Variants in QSER1 observed in about 807,000 individuals in gnomAD.
QSER1 encodes the protein glutamine and serine-rich protein 1.
A neutral mutation model predicts 158.5 loss-of-function variants in QSER1; 49 were observed. The observed-to-expected ratio is 0.31, with a 90% CI of 0.25 to 0.39. QSER1 has a LOEUF of 0.39. Ranked by LOEUF, QSER1 falls within the 10% of genes least tolerant of loss-of-function variation. The pLI is 1.00. For missense variants in QSER1, 1,754 were observed against 2,010.3 expected, an observed-to-expected ratio of 0.87 and a Z score of 2.44; for synonymous variants, 650 against 715.5, an observed-to-expected ratio of 0.91 and a Z score of 1.46.
chr11:32,915,147 A>T (rs1044691492), intron 1 of QSER1, among the ~76,000 whole-genome samples: 1 of 152,098 alleles, frequency 6.6e-6, no homozygotes, highest in South Asian at 2.1e-4. Flanking sequence ...GACTCAAACA[A>T]TCCTCCAGCC....
intron 1 of QSER1, among the ~76,000 whole-genome samples, chr11:32,896,596 C>A (rs905544484): frequency 2.0e-5 from 3 of 152,134 alleles, no homozygotes; most frequent in Non-Finnish European, 2.9e-5. Flanking sequence ...ACTACATTGG[C>A]CAGGCTGGTC....
At chr11:32,959,914 A>G (rs1362733083) in intron 8 of QSER1, among the ~76,000 whole-genome samples, 1 of 152,072 alleles carries the variant, frequency 6.6e-6, no homozygotes, top group Non-Finnish European at 1.5e-5. Context: ...GGTGGGCACC[A>G]CCACACCCAG....
Position 32,932,116 on chromosome 11 carries a change from G to A in QSER1, c.858G>A (p.Gly286=). The A allele has an allele frequency of 6.2e-7, 1 of 1,614,076 alleles. No individual in the cohort carries two copies. The highest frequency in any genetic ancestry group is 8.5e-7 in the Non-Finnish European group (1 of 1,180,016). The change falls in exon 4 of 13, where the codon GGG becomes GGA. Residue 286 remains glycine, a synonymous_variant. Transcript: ENST00000650167. ...TTAGTTTGTTGCCTTCAGCACTTGG[G>A]GGATCCCAGCAGACTCCTCAAGCCT... The part of the protein sequence containing the change: ...PQFSLLPSAL[G]GSQQTPQAYS...
At position 32,935,087 on chromosome 11, in the gene QSER1, G is replaced by A; in HGVS notation, c.3829G>A (p.Gly1277Arg). The A allele has an allele frequency of 6.2e-7, 1 of 1,613,940 alleles. No individual in the cohort carries two copies. Among genetic ancestry groups the A allele is most frequent in the East Asian group, 2.2e-5 (1 of 44,890 alleles). Residue 1277 changes from glycine to arginine, a missense_variant, in exon 4 of 13, where the codon GGA becomes AGA. This residue lies in a region of QSER1 where 1,707 missense variants were observed against 1,919.6 expected (regional missense o/e 0.89). Coordinates refer to ENST00000650167, the MANE Select transcript of QSER1 (RefSeq NM_001076786.3). Reference protein sequence around the residue: ...VEEKQPEVKTGFIASFLDFLK... With the variant: ...VEEKQPEVKTRFIASFLDFLK... Reference sequence around the variant, plus strand: ...GGAAAAACAACCAGAAGTCAAAACAGGATTTATTGCTTCTTTCTTAGATTT... The same window carrying A: ...GGAAAAACAACCAGAAGTCAAAACAAGATTTATTGCTTCTTTCTTAGATTT...
chr11:32,951,901 G>T (rs1016242713), intron 4 of QSER1, among the ~76,000 whole-genome samples: 2 of 148,922 alleles, frequency 1.3e-5, no homozygotes, highest in African/African-American at 4.9e-5. Flanking sequence ...GCAGTGGTGA[G>T]ATCGTGGCTC....
At chr11:32,949,104 T>C (rs529427129) in intron 4 of QSER1, among the ~76,000 whole-genome samples, 128 of 152,316 alleles carry the variant, frequency 8.4e-4, no homozygotes, top group African/African-American at 3.0e-3. Flanking sequence ...TTTTAAATAG[T>C]CATTTGTTTA....
intron 1 of QSER1, among the ~76,000 whole-genome samples, chr11:32,919,583 C>A (rs1286765261): frequency 1.3e-5 from 2 of 152,108 alleles, no homozygotes; most frequent in Admixed American, 6.6e-5. Flanking sequence ...ACTGATAAAG[C>A]CTTTATCACC....
chr11:32,946,080 A>T (rs1852326365), intron 4 of QSER1, among the ~76,000 whole-genome samples: 3 of 151,920 alleles, frequency 2.0e-5, no homozygotes. Flanking sequence ...CTTGGTTTTC[A>T]GCTCCGTCAG....
chr11:32,953,562 C>T (rs961955650), intron 4 of QSER1, among the ~76,000 whole-genome samples: 10 of 152,050 alleles, frequency 6.6e-5, no homozygotes, highest in Non-Finnish European at 1.5e-4. Context: ...AGGTGTGAGC[C>T]ACTGTACCCA....
At chr11:32,901,241 C>G (rs1250186513) in intron 1 of QSER1, among the ~76,000 whole-genome samples, 1 of 152,178 alleles carries the variant, frequency 6.6e-6, no homozygotes, top group Non-Finnish European at 1.5e-5. Flanking sequence ...AGAGTGATGT[C>G]TAGCATATAG....
intron 10 of QSER1, among the ~76,000 whole-genome samples, chr11:32,970,625 G>A (rs866362583): frequency 6.6e-6 from 1 of 152,112 alleles, no homozygotes; most frequent in African/African-American, 2.4e-5. Flanking sequence ...GGCTGGTCTC[G>A]AACTCCTGAC....
In QSER1 at chr11:32,893,518, G is replaced by A. The variant is rs1851513427; in HGVS notation, c.209+184G>A. Reference sequence around the variant, plus strand: ...GGGGTGGTCGCGGGTAGGTGGGGGCGCCCGGTGCAGGATTCGCGCCTGGGG... The same window carrying A: ...GGGGTGGTCGCGGGTAGGTGGGGGCACCCGGTGCAGGATTCGCGCCTGGGG... On this transcript the variant is annotated intron_variant, in intron 1 of 12. Coordinates refer to ENST00000650167, the MANE Select transcript of QSER1 (RefSeq NM_001076786.3). This position sits in a 1 kb window ranked among gnomAD's most constrained non-coding sequence, Gnocchi z 4.7. 1.3e-5 allele frequency among the ~76,000 whole-genome samples: 2 copies of A among 152,158 alleles called. No homozygotes were observed. The highest frequency in any genetic ancestry group is 4.1e-4 in the South Asian group (2 of 4,830).
At chr11:32,925,684 C>A (rs1028882784) in intron 1 of QSER1, among the ~76,000 whole-genome samples, 1 of 151,830 alleles carries the variant, frequency 6.6e-6, no homozygotes, top group East Asian at 1.9e-4. Context: ...TATGCCACCA[C>A]GCCCAGCTAA....
At position 32,931,995 on chromosome 11, in the gene QSER1, G is replaced by C; in HGVS notation, c.737G>C (p.Arg246Pro). ...GTTCCAACTGCTTTGGCATTTGAGCGCCTGGGCAGTTCTGTATTAAGTAAC... is the reference window on the plus strand; with the variant it reads ...GTTCCAACTGCTTTGGCATTTGAGCCCCTGGGCAGTTCTGTATTAAGTAAC... ...GTVPTALAFE[R>P]LGSSVLSNSI... Residue 246 changes from arginine (R) to proline (P), a missense_variant, in exon 4 of 13, where the codon CGC becomes CCC. By Grantham distance (103) the Arg-to-Pro change is moderately radical. This residue lies in a region of QSER1 where 1,707 missense variants were observed against 1,919.6 expected (regional missense o/e 0.89). Coordinates refer to ENST00000650167, the MANE Select transcript of QSER1 (RefSeq NM_001076786.3). 6.2e-7 allele frequency: 1 copy of C among 1,614,202 alleles called. No individual in the cohort carries two copies. Among genetic ancestry groups the C allele is most frequent in the Non-Finnish European group, 8.5e-7 (1 of 1,180,036 alleles).
chr11:32,900,283 C>T (rs987257246), intron 1 of QSER1, among the ~76,000 whole-genome samples: 5 of 152,272 alleles, frequency 3.3e-5, no homozygotes, highest in Non-Finnish European at 7.4e-5. Flanking sequence ...ATGACTTGGT[C>T]AGGTGTGGTG....
At chr11:32,930,109 G>A (rs555860716) in intron 3 of QSER1, among the ~76,000 whole-genome samples, 88 of 151,988 alleles carry the variant, frequency 5.8e-4, no homozygotes, top group Admixed American at 2.4e-3. Flanking sequence ...GTTAAATGTC[G>A]GTTCTTTATT....
At chr11:32,958,879 C>G (rs991487865) in intron 8 of QSER1, among the ~76,000 whole-genome samples, 4 of 152,062 alleles carry the variant, frequency 2.6e-5, no homozygotes, top group African/African-American at 9.7e-5. Flanking sequence ...TCTTAGTTTT[C>G]TTGTTTTATA....
At position 32,941,823 on chromosome 11, in the gene QSER1, G is replaced by A. The variant is rs1347984832; in HGVS notation, c.4177+6388G>A. On this transcript the variant is annotated intron_variant, in intron 4 of 12. Coordinates refer to ENST00000650167, the MANE Select transcript of QSER1 (RefSeq NM_001076786.3). ...AATCGCCACACTGACTTCCACAATG[G>A]TTGAACTAGTTTACAGTCCCACCAA... Among the ~76,000 whole-genome samples the A allele has an allele frequency of 2.0e-5, 3 of 151,802 alleles. No homozygotes were observed. The East Asian group carries it at 5.8e-4, about 29-fold the overall frequency.
chr11:32,976,640 C>G lies in QSER1; in HGVS notation c.*166C>G. 1 of 675,710 alleles carries G rather than the reference C, an allele frequency of 1.5e-6. No individual in the cohort carries two copies. The highest frequency in any genetic ancestry group is 2.5e-6 in the Non-Finnish European group (1 of 402,422). The allele number at this position is 675,710 out of a possible 1,614,324, so 41.9% of individuals were successfully genotyped here. A position where few individuals can be genotyped will look rare whatever the true frequency, so the allele number is the denominator to read the frequency against. Reference sequence around the variant, plus strand: ...AGGACAGTGGTGCGGCCTTTAGGAACGAAGTTAGTCCTCTGGAAATGGACC... The same window carrying G: ...AGGACAGTGGTGCGGCCTTTAGGAAGGAAGTTAGTCCTCTGGAAATGGACC... On this transcript the variant is annotated 3_prime_UTR_variant, in exon 13 of 13. Coordinates refer to ENST00000650167, the MANE Select transcript of QSER1 (RefSeq NM_001076786.3).
Sources: gnomAD v4.1 joint callset for allele counts (sites outside exome capture counted in the v4.1 genomes callset) on GRCh38, gnomAD v4.1.1 for gene constraint, gnomAD v4.1.1 regional missense constraint, Gnocchi (gnomAD v3.1) non-coding constraint, MANE v1.5 for transcripts, NCBI Gene and HGNC (gene_info 2026-07-23, HGNC 2026-07-21) for gene names.